The following MAP3K8 variants were observed in gnomAD, a reference collection of about 807,000 sequenced individuals.
MAP3K8 encodes the protein mitogen-activated protein kinase kinase kinase 8, also known as Ewing sarcoma transformant.
A neutral mutation model predicts 45.8 loss-of-function variants in MAP3K8; 22 were observed. The observed-to-expected ratio is 0.48, with a 90% CI of 0.34 to 0.69. The LOEUF (loss-of-function observed/expected upper bound fraction) is 0.69, where lower values mean the gene tolerates loss of function less well. MAP3K8 is among the 30% of genes least tolerant of loss of function. The pLI, the probability that MAP3K8 is intolerant of heterozygous loss-of-function variation, is 0.01. For missense variants in MAP3K8, 419 were observed against 585.0 expected, an observed-to-expected ratio of 0.72 and a Z score of 2.93; for synonymous variants, 223 against 214.3, an observed-to-expected ratio of 1.04 and a Z score of -0.36.
rs575445977 is a variant in MAP3K8 at position 30,439,294 on chromosome 10, G to A, written c.336+20G>A. The A allele has an allele frequency of 5.6e-6, 9 of 1,613,708 alleles. No individual in the cohort carries two copies. The highest frequency in any genetic ancestry group is 5.0e-5 in the Admixed American group (3 of 60,006). On this transcript the variant is annotated intron_variant, in intron 3 of 8. Coordinates refer to ENST00000263056, the MANE Select transcript of MAP3K8 (RefSeq NM_005204.4). ...AACATGGTACGTTTCTTTCCGATCA[G>A]TTGGGTGCTATGTGCTCAGCTTTCC...
In MAP3K8 at chr10:30,460,834, T is replaced by C. The variant is rs756790446; in HGVS notation, c.1402T>C (p.Ter468ArgextTer7). 4.3e-6 allele frequency: 7 copies of C among 1,613,406 alleles called. No homozygotes were observed. The Admixed American group carries it at 6.7e-5, about 15-fold the overall frequency. ...VRGPPTLEYG* is the reference protein window; with the variant it reads ...VRGPPTLEYGR Reference sequence around the variant, plus strand: ...GGGACCACCAACGCTTGAATATGGCTGAAGGATGCCATGTTTGCTCTAAAT... The same window carrying C: ...GGGACCACCAACGCTTGAATATGGCCGAAGGATGCCATGTTTGCTCTAAAT... The change falls in exon 9 of 9, where the codon TGA (stop) becomes CGA (arginine). Residue 468 changes from the stop codon to arginine, a stop_lost. Transcript: ENST00000263056.
At chr10:30,460,541 CTA>C (rs1564375745) in intron 8 of MAP3K8, among the ~76,000 whole-genome samples, 163 bp from the exon 9 acceptor site, 2 of 152,276 alleles carry the variant, frequency 1.3e-5, no homozygotes, top group Admixed American at 6.5e-5. Context: ...ACTTTTTGTT[CTA>C]TGTCATATTA....
chr10:30,449,184 C>T (rs1323451462), intron 4 of MAP3K8, among the ~76,000 whole-genome samples: 3 of 152,176 alleles, frequency 2.0e-5, no homozygotes, highest in East Asian at 3.9e-4. Context: ...TGGAGAGTAG[C>T]GACTGGAAGG....
In MAP3K8 at chr10:30,441,160, C is replaced by CTTTTTT. The variant is rs11331000; in HGVS notation, c.336+1895_336+1900dup. 9.1e-3 allele frequency among the ~76,000 whole-genome samples: 1,317 copies of CTTTTTT among 144,340 alleles called. 20 individuals are homozygous for CTTTTTT. Among genetic ancestry groups the CTTTTTT allele is most frequent in the African/African-American group, 0.031 (1,217 of 39,260 alleles). 94.7% of individuals were successfully genotyped at this position (144,340 alleles called of 152,430 possible). ...AACAAGTACATAATTAAGGAGAATT[C>CTTTTTT]TTTTTTTTTTTTTTGAGACAGAGTC... is the stretch of plus-strand genomic sequence containing the variant. On this transcript the variant is annotated intron_variant, in intron 3 of 8. Coordinates refer to ENST00000263056, the MANE Select transcript of MAP3K8 (RefSeq NM_005204.4).
In MAP3K8 at chr10:30,439,247, A is replaced by T. The variant is rs1283718310; in HGVS notation, c.309A>T (p.Pro103=). The T allele has an allele frequency of 6.2e-7, 1 of 1,614,230 alleles. No homozygotes were observed. The highest frequency in any genetic ancestry group is 1.7e-5 in the Admixed American group (1 of 60,028). Reference sequence around the variant, plus strand: ...CAAAGCATTTTTATGGACAACGACCACAGGAATCTGGAATTTTATTAAACA... The same window carrying T: ...CAAAGCATTTTTATGGACAACGACCTCAGGAATCTGGAATTTTATTAAACA... ...NTAKHFYGQR[P]QESGILLNMV... The change falls in exon 3 of 9, where the codon CCA becomes CCT. Residue 103 remains proline (P), a synonymous_variant. Transcript: ENST00000263056.
intron 7 of MAP3K8, 93 bp downstream of exon 7, chr10:30,458,329 C>A: frequency 1.3e-6 from 1 of 790,922 alleles, no homozygotes; most frequent in Non-Finnish European, 1.8e-6. Context: ...GCCTTCTATA[C>A]CACCCCCATC....
chr10:30,459,392 G>A lies in MAP3K8; in HGVS notation c.1164G>A (p.Leu388=), dbSNP rs757923308. Reference sequence around the variant, plus strand: ...CAGACCTACTAAAACATGAGGCCCTGAACCCGCCCAGAGAGGATCAGCCAC... The same window carrying A: ...CAGACCTACTAAAACATGAGGCCCTAAACCCGCCCAGAGAGGATCAGCCAC... The part of the protein sequence containing the change: ...RAADLLKHEA[L]NPPREDQPRC... Residue 388 remains leucine (L), a synonymous_variant, in exon 8 of 9, where the codon CTG becomes CTA. Coordinates refer to ENST00000263056, the MANE Select transcript of MAP3K8 (RefSeq NM_005204.4). 6.2e-7 allele frequency: 1 copy of A among 1,614,136 alleles called. No individual in the cohort carries two copies. Among genetic ancestry groups the A allele is most frequent in the East Asian group, 2.2e-5 (1 of 44,866 alleles).
intron 3 of MAP3K8, among the ~76,000 whole-genome samples, chr10:30,444,856 T>C (rs1355142025): frequency 6.6e-6 from 1 of 152,232 alleles, no homozygotes; most frequent in Non-Finnish European, 1.5e-5. Flanking sequence ...CTAGGAGGTA[T>C]GCTTTGGAGT....
intron 3 of MAP3K8, among the ~76,000 whole-genome samples, chr10:30,444,445 A>C (rs1044694152): frequency 4.6e-5 from 7 of 152,168 alleles, no homozygotes; most frequent in African/African-American, 1.7e-4. Context: ...CCTGGGCAAC[A>C]AGAACGAAAC....
At chr10:30,450,681 G>A (rs568167006) in intron 5 of MAP3K8, 162 bp downstream of exon 5, 116 of 629,484 alleles carry the variant, frequency 1.8e-4, no homozygotes, top group Middle Eastern at 1.3e-3. Context: ...AGAATCATGC[G>A]GGGTTACTAG....
In MAP3K8 at chr10:30,458,268, C is replaced by CGGGGG. The variant is rs9299646; in HGVS notation, c.1026+37_1026+41dup. The stretch of plus-strand genomic sequence containing the variant: ...GGGGTTCAACCAGGGCTGGGGGCGG[C>CGGGGG]GGGGGGGGGCGTTGAGTTATGCATC... On this transcript the variant is annotated intron_variant, in intron 7 of 8. Coordinates refer to ENST00000263056, the MANE Select transcript of MAP3K8 (RefSeq NM_005204.4). The CGGGGG allele has an allele frequency of 8.3e-4, 366 of 442,914 alleles. 1 individual carries two copies. The highest frequency in any genetic ancestry group is 1.1e-3 in the Non-Finnish European group (299 of 269,914). 27.4% of individuals were successfully genotyped at this position (442,914 alleles called of 1,614,324 possible). A position where few individuals can be genotyped will look rare whatever the true frequency, so the allele number is the denominator to read the frequency against.
At chr10:30,453,838 G>A (rs1836633596) in intron 6 of MAP3K8, among the ~76,000 whole-genome samples, 1 of 148,596 alleles carries the variant, frequency 6.7e-6, no homozygotes, top group Non-Finnish European at 1.5e-5. Flanking sequence ...TTCGAGACCA[G>A]CCTGAGCAAT....
In MAP3K8 at chr10:30,459,446, G is replaced by A. The variant is rs1380968747; in HGVS notation, c.1218G>A (p.Leu406=). The A allele has an allele frequency of 1.9e-6, 3 of 1,614,108 alleles. No individual in the cohort carries two copies. The highest frequency in any genetic ancestry group is 8.5e-7 in the Non-Finnish European group (1 of 1,180,028). The part of the protein sequence containing the change: ...PRCQSLDSAL[L]ERKRLLSRKE... Reference sequence around the variant, plus strand: ...GTCAGAGTCTGGACTCTGCCCTCTTGGAGCGCAAGAGGCTGCTGAGTAGGA... The same window carrying A: ...GTCAGAGTCTGGACTCTGCCCTCTTAGAGCGCAAGAGGCTGCTGAGTAGGA... The change falls in exon 8 of 9, where the codon TTG becomes TTA. Residue 406 remains leucine, a synonymous_variant. Transcript: ENST00000263056.
chr10:30,455,029 G>T (rs1252458467), intron 6 of MAP3K8, among the ~76,000 whole-genome samples: 1 of 152,152 alleles, frequency 6.6e-6, no homozygotes, highest in East Asian at 1.9e-4. Flanking sequence ...AGAAAGAAGT[G>T]TTCTTTCTGG....
At chr10:30,437,046 C>T in intron 1 of MAP3K8, 130 bp from the exon 2 acceptor site, 1 of 304,422 alleles carries the variant, frequency 3.3e-6, no homozygotes, top group Middle Eastern at 1.6e-3. Flanking sequence ...CACAATCTCC[C>T]TCGAAGATGT....
At chr10:30,435,497 T>C (rs1029431288) in intron 1 of MAP3K8, among the ~76,000 whole-genome samples, 2 of 152,196 alleles carry the variant, frequency 1.3e-5, no homozygotes, top group African/African-American at 4.8e-5. Flanking sequence ...TAGTCAGAAA[T>C]GTGCCCTGAG....
At chr10:30,447,719 G>T in intron 3 of MAP3K8, 63 bp from the exon 4 acceptor site, 1 of 1,232,868 alleles carries the variant, frequency 8.1e-7, no homozygotes, top group Non-Finnish European at 1.2e-6. Flanking sequence ...CCTAATAGGT[G>T]GGTCTTAGAA....
chr10:30,458,129 A>G lies in MAP3K8; in HGVS notation c.919A>G (p.Lys307Glu). The change falls in exon 7 of 9, where the codon AAA (lysine) becomes GAA (glutamate). Residue 307 changes from lysine to glutamate, a missense_variant. By Grantham distance (56) the Lys-to-Glu change is moderately conservative. Around this residue, in one of 3 missense-constraint regions of MAP3K8, gnomAD observed 209 missense variants for 367.3 expected, o/e 0.57. Transcript: ENST00000263056. ...CATCCTGTGCAGGGGCCATTCAACC[A>G]AAGCAGACATCTACAGCCTGGGGGC... Reference protein sequence around the residue: ...EVILCRGHSTKADIYSLGATL... With the variant: ...EVILCRGHSTEADIYSLGATL... 6.3e-7 allele frequency: 1 copy of G among 1,592,868 alleles called. No homozygotes were observed. The highest frequency in any genetic ancestry group is 8.6e-7 in the Non-Finnish European group (1 of 1,169,322).
rs1836490905 is a variant in MAP3K8 at position 30,450,261 on chromosome 10, C to T, written c.508C>T (p.Pro170Ser). The part of the protein sequence containing the change: ...TKKRMACKLI[P>S]VDQFKPSDVE... ...CGCTTGTATTTTTGTGTTCTAGATC[C>T]CAGTAGATCAATTTAAGCCATCTGA... The change falls in exon 5 of 9, where the codon CCA becomes TCA. Residue 170 changes from proline (P) to serine (S), a missense_variant. Physicochemically the swap from Pro to Ser is moderately conservative, Grantham distance 74. Transcript: ENST00000263056. The T allele has an allele frequency of 5.0e-6, 8 of 1,590,344 alleles. No homozygotes were observed. Among genetic ancestry groups the T allele is most frequent in the Non-Finnish European group, 6.9e-6 (8 of 1,165,384 alleles).
Sources: gnomAD v4.1 joint callset for allele counts (sites outside exome capture counted in the v4.1 genomes callset) on GRCh38, gnomAD v4.1.1 for gene constraint, gnomAD v4.1.1 regional missense constraint, MANE v1.5 for transcripts, NCBI Gene and HGNC (gene_info 2026-07-23, HGNC 2026-07-21) for gene names.